The following DENND1A variants were observed in gnomAD, a reference collection of about 807,000 sequenced individuals.
DENND1A encodes DENN domain-containing protein 1A.
A neutral mutation model predicts 113.7 loss-of-function variants in DENND1A; 51 were observed. That is an observed-to-expected ratio of 0.45 (90% CI 0.36 to 0.57). The LOEUF is 0.57. DENND1A is among the 20% of genes least tolerant of loss of function. The pLI, the probability that DENND1A is intolerant of heterozygous loss-of-function variation, is 0.00. For synonymous variants in DENND1A, 565 were observed against 570.8 expected, an observed-to-expected ratio of 0.99 and a Z score of 0.14; for missense variants, 1,258 against 1,395.9, an observed-to-expected ratio of 0.90 and a Z score of 1.57.
intron 12 of DENND1A, among the ~76,000 whole-genome samples, chr9:123,560,434 C>A (rs1214240504): frequency 6.6e-6 from 1 of 152,152 alleles, no homozygotes; most frequent in South Asian, 2.1e-4. Flanking sequence ...TGGGGACGTG[C>A]CCAGCGCTTT....
intron 13 of DENND1A, among the ~76,000 whole-genome samples, chr9:123,476,680 A>G (rs1475844487): frequency 6.6e-6 from 1 of 152,222 alleles, no homozygotes; most frequent in East Asian, 1.9e-4. Flanking sequence ...GTGGTCTAGT[A>G]GTACAAGGGT....
chr9:123,792,659 T>G, intron 2 of DENND1A, 29 bp from the exon 3 acceptor site: 1 of 1,611,526 alleles, frequency 6.2e-7, no homozygotes, highest in African/African-American at 1.3e-5. Flanking sequence ...TAATATTAAT[T>G]GGCTTTGGAT....
intron 9 of DENND1A, among the ~76,000 whole-genome samples, chr9:123,650,583 T>G (rs1564885017): frequency 1.3e-5 from 2 of 152,094 alleles, no homozygotes; most frequent in Non-Finnish European, 2.9e-5. Context: ...ATTGAATTAT[T>G]TAGGGGAAAG....
At chr9:123,916,272 T>C (rs982983940) in intron 1 of DENND1A, among the ~76,000 whole-genome samples, 6 of 151,974 alleles carry the variant, frequency 3.9e-5, no homozygotes, top group African/African-American at 7.3e-5. Context: ...CAGGATATAT[T>C]ATAAAATGAG....
At chr9:123,771,359 G>C (rs899995435) in intron 3 of DENND1A, among the ~76,000 whole-genome samples, 5 of 152,090 alleles carry the variant, frequency 3.3e-5, no homozygotes, top group African/African-American at 1.2e-4. Context: ...AAACCCTTAT[G>C]ATTTACACAC....
chr9:123,927,614 G>A (rs1185259570), intron 1 of DENND1A, among the ~76,000 whole-genome samples: 3 of 152,196 alleles, frequency 2.0e-5, no homozygotes, highest in African/African-American at 7.2e-5. Flanking sequence ...AAGGCAGTCT[G>A]TGTAAAGTTT....
intron 1 of DENND1A, among the ~76,000 whole-genome samples, chr9:123,915,117 G>A (rs376313449): frequency 9.2e-5 from 14 of 152,170 alleles, no homozygotes; most frequent in African/African-American, 2.9e-4. Context: ...TCTCTACAGG[G>A]CTAGTGTACA....
At chr9:123,803,203 G>C (rs1192197247) in intron 2 of DENND1A, among the ~76,000 whole-genome samples, 1 of 152,126 alleles carries the variant, frequency 6.6e-6, no homozygotes, top group Non-Finnish European at 1.5e-5. Flanking sequence ...TTTCATAGCT[G>C]TTTCATGTAT....
chr9:123,390,100 G>A (rs2042763554), intron 21 of DENND1A, among the ~76,000 whole-genome samples: 1 of 152,248 alleles, frequency 6.6e-6, no homozygotes, highest in Non-Finnish European at 1.5e-5. Context: ...TGGAGGCTAG[G>A]AGAGCTCCCT....
chr9:123,500,200 T>A (rs2052350985), intron 13 of DENND1A, among the ~76,000 whole-genome samples: 2 of 152,224 alleles, frequency 1.3e-5, no homozygotes, highest in Admixed American at 1.3e-4. Context: ...CTATTTTAAA[T>A]GAAGCAGGCC....
chr9:123,909,826 T>C (rs937117387), intron 1 of DENND1A, among the ~76,000 whole-genome samples: 2 of 152,190 alleles, frequency 1.3e-5, no homozygotes, highest in Non-Finnish European at 2.9e-5. Flanking sequence ...TAAGTACATT[T>C]AGCAAGGTTG....
intron 5 of DENND1A, among the ~76,000 whole-genome samples, chr9:123,688,443 G>A (rs1393453397): frequency 6.6e-6 from 1 of 152,180 alleles, no homozygotes; most frequent in Non-Finnish European, 1.5e-5. Flanking sequence ...TGAGTAGAGA[G>A]TGGAATATGG....
chr9:123,583,303 C>A (rs753706907), intron 11 of DENND1A, 33 bp from the exon 12 acceptor site: 8 of 1,530,750 alleles, frequency 5.2e-6, no homozygotes, highest in Non-Finnish European at 7.2e-6. Context: ...AAGAGAAGGT[C>A]ATTGAGGTGC....
intron 4 of DENND1A, among the ~76,000 whole-genome samples, chr9:123,762,399 T>C (rs943951924): frequency 1.3e-5 from 2 of 152,348 alleles, no homozygotes; most frequent in East Asian, 1.9e-4. Flanking sequence ...TCCTTTTAAA[T>C]GCCTATCAGC....
intron 13 of DENND1A, among the ~76,000 whole-genome samples, chr9:123,476,892 C>A (rs952856119): frequency 6.6e-6 from 1 of 152,186 alleles, no homozygotes; most frequent in Non-Finnish European, 1.5e-5. Flanking sequence ...GGTTCCGTGC[C>A]TGACCCAGAC....
intron 13 of DENND1A, among the ~76,000 whole-genome samples, chr9:123,517,384 C>T (rs1410703393): frequency 1.3e-5 from 2 of 152,060 alleles, no homozygotes; most frequent in African/African-American, 4.8e-5. Context: ...ACTCGGGAGG[C>T]CAAGGTGGGT....
chr9:123,639,922 G>A (rs770798264), intron 9 of DENND1A, among the ~76,000 whole-genome samples: 4 of 152,084 alleles, frequency 2.6e-5, no homozygotes, highest in Non-Finnish European at 5.9e-5. Flanking sequence ...AAGGTAGGTA[G>A]CATTATTGTC....
At chr9:123,561,291 G>A (rs979222448) in intron 12 of DENND1A, among the ~76,000 whole-genome samples, 47 of 136,920 alleles carry the variant, frequency 3.4e-4, no homozygotes, top group African/African-American at 5.7e-4. Flanking sequence ...AGAAGGAGTC[G>A]TTGATTGTAA....
At chr9:123,525,614 G>A (rs1184096714) in intron 13 of DENND1A, among the ~76,000 whole-genome samples, 1 of 152,056 alleles carries the variant, frequency 6.6e-6, no homozygotes, top group Admixed American at 6.6e-5. Context: ...GGAGCTAAAG[G>A]GGAAAATAAG....
Sources: gnomAD v4.1 joint callset for allele counts (sites outside exome capture counted in the v4.1 genomes callset) on GRCh38, gnomAD v4.1.1 for gene constraint, MANE v1.5 for transcripts, NCBI Gene and HGNC (gene_info 2026-07-23, HGNC 2026-07-21) for gene names.